Variants in MYO5B observed in about 807,000 individuals in gnomAD.
MYO5B encodes unconventional myosin-Vb.
Under a neutral mutation model 229.3 loss-of-function variants are expected in MYO5B, and 143 were observed. The ratio of observed to expected loss-of-function variants is 0.62; its 90% CI spans 0.54 to 0.72. The LOEUF (loss-of-function observed/expected upper bound fraction) is 0.72, where lower values mean the gene tolerates loss of function less well. Among genes scored for constraint, MYO5B ranks in the 30% least tolerant of loss-of-function variants. The probability of loss-of-function intolerance (pLI) is 0.00; values close to 1 mark genes in which losing one functional copy is unlikely to be tolerated. For synonymous variants in MYO5B, 918 were observed against 885.2 expected (o/e 1.04, Z -0.66); for missense variants, 2,321 against 2,331.0 (o/e 1.00, Z 0.09).
chr18:50,149,870 G>T (rs962411054), intron 1 of MYO5B, among the ~76,000 whole-genome samples: 1 of 149,762 alleles, frequency 6.7e-6, no homozygotes, highest in Non-Finnish European at 1.5e-5. Flanking sequence ...CACAGCAAAA[G>T]AAACTACCAT....
At chr18:49,924,369 C>T (rs2144185546) in intron 17 of MYO5B, among the ~76,000 whole-genome samples, 1 of 152,284 alleles carries the variant, frequency 6.6e-6, no homozygotes, top group East Asian at 1.9e-4. Flanking sequence ...TATGATCATT[C>T]TTTTTAAGGA....
intron 6 of MYO5B, 37 bp downstream of exon 6, chr18:49,992,251 G>T (rs2025941037): frequency 6.2e-7 from 1 of 1,613,968 alleles, no homozygotes; most frequent in Non-Finnish European, 8.5e-7. Flanking sequence ...AATTGTCCAT[G>T]AGAAATACAC....
chr18:50,159,316 ACT>A (rs1169337979), intron 1 of MYO5B, among the ~76,000 whole-genome samples: 1 of 151,810 alleles, frequency 6.6e-6, no homozygotes, highest in African/African-American at 2.4e-5. Context: ...CTACTTTCTA[ACT>A]CTGATATTTG....
chr18:50,133,147 G>T (rs1406790648), intron 1 of MYO5B, among the ~76,000 whole-genome samples: 1 of 152,184 alleles, frequency 6.6e-6, no homozygotes, highest in African/African-American at 2.4e-5. Context: ...GGAGGAGTGA[G>T]TCTCAAGTTC....
chr18:49,906,580 G>T lies in MYO5B; in HGVS notation c.2253C>A (p.Gly751=). 6.2e-7 allele frequency: 1 copy of T among 1,614,154 alleles called. No individual in the cohort carries two copies. The highest frequency in any genetic ancestry group is 8.5e-7 in the Non-Finnish European group (1 of 1,180,032). ...FGRTKIFFRA[G]QVAYLEKLRA... Reference sequence around the variant, plus strand: ...GCAGCTTCTCCAGGTAGGCCACCTGGCCTGCTCGAAAGAAGATCTTGGTGC... The same window carrying T: ...GCAGCTTCTCCAGGTAGGCCACCTGTCCTGCTCGAAAGAAGATCTTGGTGC... Residue 751 remains glycine, a synonymous_variant, in exon 19 of 40, where the codon GGC becomes GGA. Coordinates refer to ENST00000285039, the MANE Select transcript of MYO5B (RefSeq NM_001080467.3).
intron 1 of MYO5B, among the ~76,000 whole-genome samples, chr18:50,177,854 G>A (rs2033018755): frequency 6.6e-6 from 1 of 152,176 alleles, no homozygotes; most frequent in South Asian, 2.1e-4. Flanking sequence ...AAGCCTCCTG[G>A]AGCACTGTCT....
intron 1 of MYO5B, among the ~76,000 whole-genome samples, chr18:50,185,351 A>G (rs946902030): frequency 1.3e-5 from 2 of 152,272 alleles, no homozygotes; most frequent in Non-Finnish European, 1.5e-5. Context: ...TGGCGAAGAA[A>G]CAGACTGGTT....
chr18:49,944,588 G>A (rs984147033), intron 14 of MYO5B, among the ~76,000 whole-genome samples: 4 of 151,976 alleles, frequency 2.6e-5, no homozygotes, highest in Admixed American at 6.6e-5. Context: ...GTGGCCCATG[G>A]CAAACCTCTC....
At chr18:50,040,093 G>A in intron 3 of MYO5B, 50 bp downstream of exon 3, 2 of 1,589,788 alleles carry the variant, frequency 1.3e-6, no homozygotes, top group Non-Finnish European at 1.7e-6. Flanking sequence ...CAAGTCTAAA[G>A]CTGGTAAGCA....
At chr18:50,028,307 A>G (rs2026352830) in intron 4 of MYO5B, among the ~76,000 whole-genome samples, 1 of 152,334 alleles carries the variant, frequency 6.6e-6, no homozygotes, top group Non-Finnish European at 1.5e-5. Context: ...AACATGAAAC[A>G]CCTGCCAAAA....
chr18:50,115,899 T>C (rs2031954214), intron 1 of MYO5B, among the ~76,000 whole-genome samples: 1 of 152,142 alleles, frequency 6.6e-6, no homozygotes. Flanking sequence ...GCTGCTTGCC[T>C]TCTACTTTTA....
intron 39 of MYO5B, among the ~76,000 whole-genome samples, chr18:49,828,769 A>G (rs1366217375): frequency 6.6e-6 from 1 of 152,210 alleles, no homozygotes; most frequent in Non-Finnish European, 1.5e-5. Flanking sequence ...ATCCACAAAT[A>G]TATGGAAAAT....
chr18:49,886,063 C>T (rs1204496284), intron 22 of MYO5B, among the ~76,000 whole-genome samples: 1 of 152,106 alleles, frequency 6.6e-6, no homozygotes, highest in Non-Finnish European at 1.5e-5. Context: ...CCTCAGCCTC[C>T]TGAGTAGCTA....
chr18:49,981,718 A>G (rs7242307), intron 8 of MYO5B, among the ~76,000 whole-genome samples: 4,718 of 152,286 alleles, frequency 0.031, 227 homozygotes, highest in African/African-American at 0.11. Context: ...ATCGCTGGCT[A>G]CTACACAGGC....
chr18:49,933,083 C>T (rs960287534), intron 16 of MYO5B, among the ~76,000 whole-genome samples: 1 of 152,188 alleles, frequency 6.6e-6, no homozygotes, highest in East Asian at 1.9e-4. Context: ...TAGAACCGAG[C>T]CCTACCTCCA....
At chr18:49,939,522 A>T (rs2025290677) in intron 14 of MYO5B, among the ~76,000 whole-genome samples, 1 of 152,158 alleles carries the variant, frequency 6.6e-6, no homozygotes, top group Non-Finnish European at 1.5e-5. Flanking sequence ...AACAACATAG[A>T]ATTTTAGATC....
At chr18:49,999,579 T>TA (rs1213609241) in intron 5 of MYO5B, among the ~76,000 whole-genome samples, 1 of 152,208 alleles carries the variant, frequency 6.6e-6, no homozygotes, top group Non-Finnish European at 1.5e-5. Flanking sequence ...TAATAGTTAG[T>TA]AAAAAAGCTG....
At chr18:50,055,235 A>ACCCCCCCCCCCCCCCCCCCCCCTCC (rs770014226) in intron 2 of MYO5B, 33 bp downstream of exon 2, 1 of 341,352 alleles carries the variant, frequency 2.9e-6, no homozygotes, top group Non-Finnish European at 5.9e-6. Context: ...GCCCCACCTC[A>ACCCCCCCCCCCCCCCCCCCCCCTCC]CCCCCGCCCC....
intron 1 of MYO5B, among the ~76,000 whole-genome samples, chr18:50,169,086 G>A (rs1444599847): frequency 5.3e-5 from 1 of 18,928 alleles, no homozygotes; most frequent in Non-Finnish European, 1.5e-4. Context: ...GTGGAGGACT[G>A]CTTGAGCCCA....
Sources: allele counts gnomAD v4.1 joint callset (sites outside exome capture counted in the v4.1 genomes callset), GRCh38; gene constraint gnomAD v4.1.1; transcripts MANE v1.5; gene names NCBI Gene and HGNC (gene_info 2026-07-23, HGNC 2026-07-21).